The following USP15 variants were observed in gnomAD, a reference collection of about 807,000 sequenced individuals.
USP15 encodes ubiquitin specific peptidase 15.
A neutral mutation model predicts 127.1 loss-of-function variants in USP15; 18 were observed. The observed-to-expected ratio is 0.14, with a 90% CI of 0.10 to 0.21. The LOEUF (loss-of-function observed/expected upper bound fraction) is 0.21, where lower values mean the gene tolerates loss of function less well. Ranked by LOEUF, USP15 falls within the 10% of genes least tolerant of loss-of-function variation. The pLI, the probability that USP15 is intolerant of heterozygous loss-of-function variation, is 1.00. For missense variants in USP15, 805 were observed against 1,159.9 expected (o/e 0.69, Z 4.44); for synonymous variants, 364 against 393.7 (o/e 0.92, Z 0.89).
chr12:62,291,235 G>C (rs2063958524), intron 1 of USP15, among the ~76,000 whole-genome samples: 1 of 151,968 alleles, frequency 6.6e-6, no homozygotes. Context: ...TTTTATTGTA[G>C]TCTCCTACTT....
chr12:62,312,809 C>T (rs997776893), intron 3 of USP15, among the ~76,000 whole-genome samples: 12 of 151,548 alleles, frequency 7.9e-5, no homozygotes, highest in African/African-American at 2.7e-4. Flanking sequence ...ATTTTCAATG[C>T]ATACATTTTT....
intron 6 of USP15, among the ~76,000 whole-genome samples, chr12:62,343,746 A>C (rs947327758): frequency 6.6e-6 from 1 of 152,034 alleles, no homozygotes. Context: ...AACCAGTCCC[A>C]ATGAGATGGA....
At position 62,409,167 on chromosome 12, in the gene USP15, A is replaced by C. The variant is rs1471833768; in HGVS notation, c.*4792A>C. Reference sequence around the variant, plus strand: ...ATATGCATCGGGAAACATACCCCACACGGTGCCATGGTTTAATTATTCCCC... The same window carrying C: ...ATATGCATCGGGAAACATACCCCACCCGGTGCCATGGTTTAATTATTCCCC... On this transcript the variant is annotated 3_prime_UTR_variant, in exon 22 of 22. Coordinates refer to ENST00000280377, the MANE Select transcript of USP15 (RefSeq NM_001252078.2). 1.3e-5 allele frequency: 2 copies of C among 152,176 alleles called. No homozygotes were observed. The highest frequency in any genetic ancestry group is 2.4e-5 in the African/African-American group (1 of 41,458). 9.4% of individuals were successfully genotyped at this position (152,176 alleles called of 1,614,324 possible).
chr12:62,400,667 C>T (rs1592740542), intron 20 of USP15, among the ~76,000 whole-genome samples: 1 of 149,344 alleles, frequency 6.7e-6, no homozygotes, highest in Non-Finnish European at 1.5e-5. Flanking sequence ...GAAAAGAAAT[C>T]GTCATAGAAA....
chr12:62,323,085 T>C (rs1172692160), intron 5 of USP15, among the ~76,000 whole-genome samples: 2 of 152,206 alleles, frequency 1.3e-5, no homozygotes, highest in Admixed American at 6.5e-5. Context: ...CATCATCTAT[T>C]CAGCCTTCCC....
rs968347945 is a variant in USP15, at chr12:62,269,869, A to G, written c.89+9366A>G. Among the ~76,000 whole-genome samples, 10 of 152,114 alleles carry G rather than the reference A, an allele frequency of 6.6e-5. No individual in the cohort carries two copies. In the South Asian group the frequency reaches 8.3e-4, roughly 13 times the overall value. On this transcript the variant is annotated intron_variant, in intron 1 of 21. Coordinates refer to ENST00000280377, the MANE Select transcript of USP15 (RefSeq NM_001252078.2). ...TTTGCCTATTTTGAATAATCCTGCTATGAACATCCATTACAAGTTTTCATT... is the reference window on the plus strand; with the variant it reads ...TTTGCCTATTTTGAATAATCCTGCTGTGAACATCCATTACAAGTTTTCATT...
At chr12:62,282,271 T>G (rs1462019014) in intron 1 of USP15, among the ~76,000 whole-genome samples, 1 of 152,014 alleles carries the variant, frequency 6.6e-6, no homozygotes, top group East Asian at 1.9e-4. Flanking sequence ...GAGACTACAG[T>G]GAGCTGTGAT....
intron 20 of USP15, among the ~76,000 whole-genome samples, chr12:62,399,399 T>C (rs1324741166): frequency 6.6e-6 from 1 of 152,186 alleles, no homozygotes; most frequent in African/African-American, 2.4e-5. Context: ...GTCATATTAG[T>C]TGTCAAATAT....
intron 6 of USP15, chr12:62,335,071 C>A: frequency 7.9e-7 from 1 of 1,258,626 alleles, no homozygotes; most frequent in Non-Finnish European, 1.1e-6. Flanking sequence ...TTACACCTAG[C>A]CCAAACTGGC....
intron 6 of USP15, among the ~76,000 whole-genome samples, chr12:62,333,581 C>T (rs1239832696): frequency 6.6e-6 from 1 of 152,118 alleles, no homozygotes; most frequent in African/African-American, 2.4e-5. Flanking sequence ...TGTGAGCCAC[C>T]ATGCCCAGCT....
intron 19 of USP15, among the ~76,000 whole-genome samples, chr12:62,395,777 A>G (rs1177823934): frequency 6.6e-6 from 1 of 151,414 alleles, no homozygotes; most frequent in African/African-American, 2.4e-5. Context: ...GGCTTATTTG[A>G]TTTAACATAA....
Position 62,405,972 on chromosome 12 carries a change from T to G in USP15, c.*1597T>G, listed in dbSNP as rs1182799357. 6.7e-6 allele frequency: 1 copy of G among 149,374 alleles called. No homozygotes were observed. Among genetic ancestry groups the G allele is most frequent in the Non-Finnish European group, 1.5e-5 (1 of 66,736 alleles). The allele number at this position is 149,374 out of a possible 1,614,324, so 9.3% of individuals were successfully genotyped here. On this transcript the variant is annotated 3_prime_UTR_variant, in exon 22 of 22. Transcript: ENST00000280377. ...GGTATTTTAAAAGCTGCTTTGGGGT[T>G]TTTTTTTTCTTTTTTTTTTTTTTAA... is the stretch of plus-strand genomic sequence containing the variant.
chr12:62,272,534 C>G (rs1401836361), intron 1 of USP15, among the ~76,000 whole-genome samples: 2 of 151,946 alleles, frequency 1.3e-5, no homozygotes, highest in Admixed American at 6.6e-5. Flanking sequence ...TCCTTTTATA[C>G]TCTGTTGTAT....
At chr12:62,342,598 G>A (rs2065679126) in intron 6 of USP15, among the ~76,000 whole-genome samples, 6 of 152,068 alleles carry the variant, frequency 3.9e-5, no homozygotes, top group Admixed American at 3.9e-4. Context: ...TTATTGGGGG[G>A]TCTTTTTGTT....
chr12:62,313,289 T>C (rs888445347), intron 3 of USP15, among the ~76,000 whole-genome samples: 3 of 151,722 alleles, frequency 2.0e-5, no homozygotes, highest in Non-Finnish European at 3.0e-5. Flanking sequence ...TATGAAAATG[T>C]ATTTTCATTT....
intron 1 of USP15, among the ~76,000 whole-genome samples, chr12:62,290,498 C>G (rs1047398194): frequency 6.6e-6 from 1 of 152,098 alleles, no homozygotes; most frequent in African/African-American, 2.4e-5. Context: ...CTGTAAGTTT[C>G]TTTACCACTA....
chr12:62,345,713 G>T (rs548133830), intron 6 of USP15, among the ~76,000 whole-genome samples: 1 of 152,238 alleles, frequency 6.6e-6, no homozygotes, highest in African/African-American at 2.4e-5. Flanking sequence ...GAAGAAAGAG[G>T]TTCATTGGAC....
chr12:62,371,578 TTA>T (rs1366105750), intron 8 of USP15, among the ~76,000 whole-genome samples: 2 of 152,178 alleles, frequency 1.3e-5, no homozygotes, highest in Non-Finnish European at 2.9e-5. Context: ...GACTTGTTTT[TTA>T]TATGAGTGTT....
intron 6 of USP15, chr12:62,336,306 A>G: frequency 2.0e-6 from 2 of 985,424 alleles, no homozygotes; most frequent in Non-Finnish European, 2.4e-6. Context: ...CTCAAATTAA[A>G]CCAAATCTTT....
Sources: gnomAD v4.1 joint callset for allele counts (sites outside exome capture counted in the v4.1 genomes callset) on GRCh38, gnomAD v4.1.1 for gene constraint, MANE v1.5 for transcripts, NCBI Gene and HGNC (gene_info 2026-07-23, HGNC 2026-07-21) for gene names.